Variants in SLC9C1 observed in about 807,000 individuals in gnomAD.
SLC9C1 encodes the protein sodium/hydrogen exchanger 10.
A neutral mutation model predicts 140.9 loss-of-function variants in SLC9C1; 97 were observed. That is an observed-to-expected ratio of 0.69 (90% CI 0.58 to 0.82). The LOEUF (loss-of-function observed/expected upper bound fraction) is 0.82, where lower values mean the gene tolerates loss of function less well. Among genes scored for constraint, SLC9C1 ranks in the 40% least tolerant of loss-of-function variants. The pLI is 0.00. For missense variants in SLC9C1, 1,340 were observed against 1,389.3 expected (o/e 0.96, Z 0.56); for synonymous variants, 440 against 442.6 (o/e 0.99, Z 0.07).
intron 13 of SLC9C1, among the ~76,000 whole-genome samples, chr3:112,229,677 A>ATCCT (rs1036973106): frequency 3.3e-5 from 5 of 151,836 alleles, no homozygotes. Flanking sequence ...GGGGTGGGGA[A>ATCCT]TAAGGTGGTG....
intron 7 of SLC9C1, among the ~76,000 whole-genome samples, chr3:112,269,082 A>G (rs1464624158): frequency 6.6e-6 from 1 of 152,200 alleles, no homozygotes; most frequent in Non-Finnish European, 1.5e-5. Context: ...AGTTACCAAG[A>G]CAAAATATCT....
chr3:112,274,004 T>C (rs1453306803), intron 6 of SLC9C1, among the ~76,000 whole-genome samples: 1 of 152,122 alleles, frequency 6.6e-6, no homozygotes, highest in Non-Finnish European at 1.5e-5. Context: ...GAGACTGTAA[T>C]AATTGCTTTT....
rs1261743621 is a variant in SLC9C1 at position 112,262,870 on chromosome 3, T to C, written c.1197+54A>G. The C allele has an allele frequency of 2.9e-6, 4 of 1,357,008 alleles. No individual in the cohort carries two copies. The highest frequency in any genetic ancestry group is 3.8e-6 in the Non-Finnish European group (4 of 1,041,840). The allele number at this position is 1,357,008 out of a possible 1,614,324, so 84.1% of individuals were successfully genotyped here. A position where few individuals can be genotyped will look rare whatever the true frequency, so the allele number is the denominator to read the frequency against. On this transcript the variant is annotated intron_variant, in intron 10 of 28. Coordinates refer to ENST00000305815, the MANE Select transcript of SLC9C1 (RefSeq NM_183061.3). Reference sequence around the variant, plus strand: ...ACTACAAAAAAACATATATTTTAAATACACAGTAATAGTTTTATACAATAT... The same window carrying C: ...ACTACAAAAAAACATATATTTTAAACACACAGTAATAGTTTTATACAATAT...
chr3:112,171,085 G>A (rs1322460993), intron 23 of SLC9C1, among the ~76,000 whole-genome samples: 4 of 152,084 alleles, frequency 2.6e-5, no homozygotes, highest in East Asian at 1.9e-4. Flanking sequence ...ATGGTGGCAC[G>A]TGACTGTAAT....
chr3:112,196,261 T>C (rs947192431), intron 20 of SLC9C1, among the ~76,000 whole-genome samples: 1 of 152,088 alleles, frequency 6.6e-6, no homozygotes, highest in South Asian at 2.1e-4. Flanking sequence ...AAATCTGCTA[T>C]TAATCTTATT....
intron 10 of SLC9C1, among the ~76,000 whole-genome samples, chr3:112,247,135 T>A (rs2079309750): frequency 6.6e-6 from 1 of 152,162 alleles, no homozygotes; most frequent in South Asian, 2.1e-4. Context: ...AAATATTGAA[T>A]GAAGCTAATT....
At chr3:112,175,167 G>C (rs756635118) in intron 23 of SLC9C1, among the ~76,000 whole-genome samples, 5 of 152,176 alleles carry the variant, frequency 3.3e-5, no homozygotes, top group African/African-American at 9.7e-5. Flanking sequence ...GTGGGAACTA[G>C]CTCCATGTAA....
chr3:112,278,642 C>A, intron 4 of SLC9C1, 87 bp downstream of exon 4: 1 of 1,405,142 alleles, frequency 7.1e-7, no homozygotes, highest in Non-Finnish European at 9.4e-7. Context: ...TCTTTGTTCC[C>A]TATTTTGGAA....
At position 112,141,223 on chromosome 3, in the gene SLC9C1, G is replaced by A; in HGVS notation, c.*49C>T. 2 of 1,522,404 alleles carry A rather than the reference G, an allele frequency of 1.3e-6. No homozygotes were observed. Among genetic ancestry groups the A allele is most frequent in the Non-Finnish European group, 1.8e-6 (2 of 1,135,932 alleles). The allele number at this position is 1,522,404 out of a possible 1,614,324, so 94.3% of individuals were successfully genotyped here. A position where few individuals can be genotyped will look rare whatever the true frequency, so the allele number is the denominator to read the frequency against. On this transcript the variant is annotated 3_prime_UTR_variant, in exon 29 of 29. Coordinates refer to ENST00000305815, the MANE Select transcript of SLC9C1 (RefSeq NM_183061.3). ...GGGAAGTGTGTTTCTGCAGCAGGAG[G>A]CCTCTCATAGCCACAGCATTAATAC...
intron 22 of SLC9C1, 42 bp downstream of exon 22, chr3:112,180,522 T>TCAAAACAAAAAAACAAAA (rs773219262): frequency 2.0e-6 from 3 of 1,535,492 alleles, no homozygotes; most frequent in Non-Finnish European, 2.7e-6. Flanking sequence ...AAACTCTGTC[T>TCAAAACAAAAAAACAAAA]CAAAACAAAA....
chr3:112,255,633 A>T (rs1576458317), intron 10 of SLC9C1, among the ~76,000 whole-genome samples: 1 of 152,164 alleles, frequency 6.6e-6, no homozygotes, highest in Non-Finnish European at 1.5e-5. Context: ...AAAAAGAAAG[A>T]TCTCAAGTTA....
At chr3:112,208,687 T>G (rs956631820) in intron 15 of SLC9C1, among the ~76,000 whole-genome samples, 1 of 152,224 alleles carries the variant, frequency 6.6e-6, no homozygotes, top group Non-Finnish European at 1.5e-5. Context: ...AACTGGAATT[T>G]TTTTTAAATA....
chr3:112,193,644 G>A (rs910128882), intron 20 of SLC9C1, among the ~76,000 whole-genome samples: 1 of 152,182 alleles, frequency 6.6e-6, no homozygotes, highest in South Asian at 2.1e-4. Flanking sequence ...GCAGGCCAGG[G>A]GTATGTCCAT....
At chr3:112,142,685 A>T in intron 28 of SLC9C1, among the ~76,000 whole-genome samples, 1 of 152,318 alleles carries the variant, frequency 6.6e-6, no homozygotes, top group East Asian at 1.9e-4. Flanking sequence ...ATATCTTCTG[A>T]TAATATATGA....
intron 7 of SLC9C1, among the ~76,000 whole-genome samples, 194 bp downstream of exon 7, chr3:112,269,722 C>A (rs75136743): frequency 0.016 from 2,346 of 142,670 alleles, 35 homozygotes; most frequent in Non-Finnish European, 0.028. Flanking sequence ...ATAGTGTTTG[C>A]TAATATTGGT....
intron 28 of SLC9C1, among the ~76,000 whole-genome samples, chr3:112,142,276 G>A (rs2074650816): frequency 6.6e-6 from 1 of 152,070 alleles, no homozygotes; most frequent in African/African-American, 2.4e-5. Flanking sequence ...AAAAGCAAAT[G>A]TTAATAATTT....
chr3:112,170,993 C>G (rs1382538843), intron 23 of SLC9C1, among the ~76,000 whole-genome samples: 1 of 152,138 alleles, frequency 6.6e-6, no homozygotes, highest in Non-Finnish European at 1.5e-5. Flanking sequence ...GCGGGCTGAG[C>G]CCCTGAGGTC....
intron 7 of SLC9C1, among the ~76,000 whole-genome samples, chr3:112,269,566 A>G (rs964111823): frequency 6.6e-6 from 1 of 152,200 alleles, no homozygotes; most frequent in African/African-American, 2.4e-5. Flanking sequence ...AACTCTATAT[A>G]TCTTATAAAC....
intron 3 of SLC9C1, 30 bp downstream of exon 3, chr3:112,280,653 T>C (rs201270154): frequency 1.8e-5 from 27 of 1,537,600 alleles, no homozygotes; most frequent in Non-Finnish European, 1.2e-5. Context: ...CTCAAATAAA[T>C]AGTGTAAAAT....
Sources: allele counts gnomAD v4.1 joint callset (sites outside exome capture counted in the v4.1 genomes callset), GRCh38; gene constraint gnomAD v4.1.1; transcripts MANE v1.5; gene names NCBI Gene and HGNC (gene_info 2026-07-23, HGNC 2026-07-21).